The following ADGRL3 variants were observed in gnomAD, a reference collection of about 807,000 sequenced individuals.
The protein encoded by ADGRL3 is calcium-independent alpha-latrotoxin receptor 3.
A neutral mutation model predicts 153.5 loss-of-function variants in ADGRL3; 62 were observed. The ratio of observed to expected loss-of-function variants is 0.40; its 90% CI spans 0.33 to 0.50. ADGRL3 has a LOEUF of 0.50. Ranked by LOEUF, ADGRL3 falls within the 20% of genes least tolerant of loss-of-function variation. The probability of loss-of-function intolerance (pLI) is 0.47; values close to 1 mark genes in which losing one functional copy is unlikely to be tolerated. For missense variants in ADGRL3, 1,641 were observed against 1,859.4 expected (o/e 0.88, Z 2.16); for synonymous variants, 710 against 672.5 (o/e 1.06, Z -0.86).
At chr4:61,785,085 A>C (rs2152403596) in intron 8 of ADGRL3, among the ~76,000 whole-genome samples, 1 of 152,278 alleles carries the variant, frequency 6.6e-6, no homozygotes, top group Non-Finnish European at 1.5e-5. Context: ...CTATAAATTG[A>C]TAGGATTGAT....
At chr4:61,299,054 GC>G (rs1341599426) in intron 1 of ADGRL3, among the ~76,000 whole-genome samples, 1 of 152,058 alleles carries the variant, frequency 6.6e-6, no homozygotes, top group Non-Finnish European at 1.5e-5. Flanking sequence ...TATTTAGCTT[GC>G]TTTTAAATAC....
At chr4:61,895,705 C>CAG (rs985733013) in intron 10 of ADGRL3, 26 bp from the exon 11 acceptor site, 2 of 1,231,348 alleles carry the variant, frequency 1.6e-6, no homozygotes, top group African/African-American at 3.0e-5. Flanking sequence ...GAAAAAGAAA[C>CAG]AGATACATTT....
intron 21 of ADGRL3, among the ~76,000 whole-genome samples, chr4:62,022,636 C>A (rs2151399351): frequency 6.6e-6 from 1 of 152,134 alleles, no homozygotes; most frequent in East Asian, 1.9e-4. Context: ...TAAGTTGAAG[C>A]CAGTGCTTAC....
intron 5 of ADGRL3, among the ~76,000 whole-genome samples, chr4:61,617,306 T>C (rs2092108922): frequency 6.6e-6 from 1 of 152,194 alleles, no homozygotes; most frequent in Admixed American, 6.6e-5. Context: ...AGACAAATGG[T>C]AGCCTTTAGA....
At chr4:61,324,393 A>C (rs2150830702) in intron 1 of ADGRL3, among the ~76,000 whole-genome samples, 1 of 152,336 alleles carries the variant, frequency 6.6e-6, no homozygotes, top group Non-Finnish European at 1.5e-5. Flanking sequence ...GCATGTTAAA[A>C]AAAAAGAATG....
intron 5 of ADGRL3, among the ~76,000 whole-genome samples, chr4:61,652,537 A>G (rs1180981513): frequency 6.6e-6 from 1 of 152,198 alleles, no homozygotes; most frequent in Non-Finnish European, 1.5e-5. Context: ...TACATGACCT[A>G]AAATATTTAC....
intron 9 of ADGRL3, among the ~76,000 whole-genome samples, chr4:61,876,617 C>T (rs529647215): frequency 1.3e-5 from 2 of 151,154 alleles, no homozygotes; most frequent in East Asian, 1.9e-4. Flanking sequence ...ATTAAGTAAA[C>T]GGAGTTGGGC....
intron 1 of ADGRL3, among the ~76,000 whole-genome samples, chr4:61,287,024 G>C (rs141273748): frequency 1.6e-4 from 24 of 151,730 alleles, no homozygotes; most frequent in African/African-American, 5.5e-4. Context: ...AGCTTTCACT[G>C]ACTCATGTTT....
In ADGRL3 at chr4:61,435,123, A is replaced by G. The variant is rs1160118706; in HGVS notation, c.-174+51934A>G. On this transcript the variant is annotated intron_variant, in intron 2 of 26. Transcript: ENST00000683033. Reference sequence around the variant, plus strand: ...TTTTGGTATGCTGTGTGTTTTGAAAATATTTTGTCAGTAACACATATTGTC... The same window carrying G: ...TTTTGGTATGCTGTGTGTTTTGAAAGTATTTTGTCAGTAACACATATTGTC... 2.0e-5 allele frequency among the ~76,000 whole-genome samples: 3 copies of G among 152,210 alleles called. No homozygotes were observed. In the South Asian group the frequency reaches 6.2e-4, roughly 31 times the overall value.
At chr4:62,035,741 C>T (rs1724625669) in intron 23 of ADGRL3, among the ~76,000 whole-genome samples, 1 of 151,994 alleles carries the variant, frequency 6.6e-6, no homozygotes, top group Non-Finnish European at 1.5e-5. Flanking sequence ...TTTCATGTTC[C>T]AAATGTGGCA....
intron 15 of ADGRL3, among the ~76,000 whole-genome samples, chr4:61,938,262 T>G (rs1444503688): frequency 6.6e-6 from 1 of 152,172 alleles, no homozygotes; most frequent in Non-Finnish European, 1.5e-5. Context: ...GAAAAATGCA[T>G]GGATGTTCTT....
At chr4:61,749,434 A>C (rs1253400644) in intron 8 of ADGRL3, among the ~76,000 whole-genome samples, 1 of 152,100 alleles carries the variant, frequency 6.6e-6, no homozygotes, top group African/African-American at 2.4e-5. Context: ...GGCACTATGC[A>C]CAATAGCAAA....
At chr4:61,325,643 C>G (rs931146745) in intron 1 of ADGRL3, among the ~76,000 whole-genome samples, 1 of 152,092 alleles carries the variant, frequency 6.6e-6, no homozygotes, top group African/African-American at 2.4e-5. Context: ...CCTGTGCATC[C>G]TATAGTCTAG....
intron 2 of ADGRL3, among the ~76,000 whole-genome samples, chr4:61,432,644 T>TTC (rs1560623624): frequency 6.2e-5 from 5 of 81,210 alleles, no homozygotes; most frequent in Admixed American, 1.3e-4. Context: ...CTTTCTTTCT[T>TTC]TCTTTCTTTC....
intron 21 of ADGRL3, among the ~76,000 whole-genome samples, chr4:62,005,525 A>G (rs1463492583): frequency 5.3e-5 from 8 of 152,166 alleles, no homozygotes; most frequent in African/African-American, 1.4e-4. Flanking sequence ...GAGAAAGTCT[A>G]AAAACCTATC....
chr4:61,977,199 T>A, intron 17 of ADGRL3, among the ~76,000 whole-genome samples: 1 of 151,724 alleles, frequency 6.6e-6, no homozygotes, highest in Non-Finnish European at 1.5e-5. Context: ...CTTTGGTTTC[T>A]TTTCTTTTTT....
intron 19 of ADGRL3, among the ~76,000 whole-genome samples, chr4:61,994,706 A>T (rs1183408882): frequency 2.0e-5 from 3 of 150,296 alleles, no homozygotes; most frequent in African/African-American, 4.9e-5. Context: ...AGTGCTCTCT[A>T]CTCTTATGTG....
chr4:61,468,759 G>A (rs1417241718), intron 2 of ADGRL3, among the ~76,000 whole-genome samples: 1 of 152,068 alleles, frequency 6.6e-6, no homozygotes, highest in East Asian at 1.9e-4. Context: ...TAAAGAGAGT[G>A]AATGTTGTTT....
At chr4:61,836,131 A>G (rs1027306272) in intron 9 of ADGRL3, among the ~76,000 whole-genome samples, 2 of 152,188 alleles carry the variant, frequency 1.3e-5, no homozygotes, top group African/African-American at 4.8e-5. Flanking sequence ...TATCTCATCT[A>G]AAAATAATGA....
Sources: allele counts gnomAD v4.1 joint callset (sites outside exome capture counted in the v4.1 genomes callset), GRCh38; gene constraint gnomAD v4.1.1; transcripts MANE v1.5; gene names NCBI Gene and HGNC (gene_info 2026-07-23, HGNC 2026-07-21).